The following ST7L variants were observed in gnomAD, a reference collection of about 807,000 sequenced individuals.
ST7L encodes suppressor of tumorigenicity 7 protein-like.
ST7L carries 57 observed loss-of-function variants against 72.5 expected under a neutral mutation model. That is an observed-to-expected ratio of 0.79 (90% confidence interval 0.64 to 0.98). The LOEUF (loss-of-function observed/expected upper bound fraction) is 0.98, where lower values mean the gene tolerates loss of function less well. Among genes scored for constraint, ST7L ranks in the 50% least tolerant of loss-of-function variants. The pLI, the probability that ST7L is intolerant of heterozygous loss-of-function variation, is 0.00. For missense variants in ST7L, 576 were observed against 672.2 expected (o/e 0.86, Z 1.58); for synonymous variants, 221 against 240.9 (o/e 0.92, Z 0.77).
chr1:112,525,876 G>T lies in ST7L; in HGVS notation c.*137C>A. ...CTAGGAATAACAATATTCATAAGAA[G>T]CTTTTTCATATGCAAAATGCTTTAG... On this transcript the variant is annotated 3_prime_UTR_variant, in exon 15 of 15. Coordinates refer to ENST00000358039, the MANE Select transcript of ST7L (RefSeq NM_017744.5). The T allele has an allele frequency of 8.1e-7, 1 of 1,227,194 alleles. No individual in the cohort carries two copies. 76.0% of individuals were successfully genotyped at this position (1,227,194 alleles called of 1,614,324 possible).
intron 7 of ST7L, 62 bp from the exon 8 acceptor site, chr1:112,582,534 T>C (rs991346790): frequency 1.1e-6 from 1 of 941,254 alleles, no homozygotes; most frequent in African/African-American, 1.6e-5. Flanking sequence ...TGCTATTTCA[T>C]TAACATATCC....
At chr1:112,587,953 GTCT>G (rs1488729914) in intron 6 of ST7L, among the ~76,000 whole-genome samples, 1 of 152,288 alleles carries the variant, frequency 6.6e-6, no homozygotes, top group East Asian at 1.9e-4. Flanking sequence ...AACATGGGAT[GTCT>G]TTTGATTTAT....
chr1:112,550,733 T>G lies in ST7L; in HGVS notation c.1397-40A>C, dbSNP rs777222108. 3.4e-6 allele frequency: 5 copies of G among 1,491,334 alleles called. No individual in the cohort carries two copies. In the East Asian group the frequency reaches 1.1e-4, roughly 34 times the overall value. 92.4% of individuals were successfully genotyped at this position (1,491,334 alleles called of 1,614,324 possible). A position where few individuals can be genotyped will look rare whatever the true frequency, so the allele number is the denominator to read the frequency against. On this transcript the variant is annotated intron_variant, in intron 12 of 14. Coordinates refer to ENST00000358039, the MANE Select transcript of ST7L (RefSeq NM_017744.5). The stretch of plus-strand genomic sequence containing the variant: ...GCATGTGTTGATACTCAATTCTGTC[T>G]CATTTACCATCCTATATTTGGAGAC...
chr1:112,595,163 C>T (rs1253052850), intron 5 of ST7L, among the ~76,000 whole-genome samples: 1 of 151,658 alleles, frequency 6.6e-6, no homozygotes, highest in Non-Finnish European at 1.5e-5. Flanking sequence ...GGTTGGGGTT[C>T]GAGACCATCC....
chr1:112,520,280 G>A (rs1652797207), downstream of ST7L: 1 of 1,613,510 alleles, frequency 6.2e-7, no homozygotes, highest in Non-Finnish European at 8.5e-7. Context: ...CCCAACCCAG[G>A]TTCCCTAGGC....
At chr1:112,543,621 C>CA (rs1166315046) in intron 13 of ST7L, among the ~76,000 whole-genome samples, 20 of 152,092 alleles carry the variant, frequency 1.3e-4, no homozygotes, top group East Asian at 3.9e-4. Flanking sequence ...GTAATCCCAG[C>CA]ACTTTGGGAG....
chr1:112,520,401 G>C, downstream of ST7L: 1 of 1,614,176 alleles, frequency 6.2e-7, no homozygotes, highest in East Asian at 2.2e-5. Context: ...CCCAGTGTGA[G>C]TGCAAATTCC....
In ST7L at chr1:112,525,176, G is replaced by A. The variant is rs1653209390; in HGVS notation, c.*837C>T. On this transcript the variant is annotated 3_prime_UTR_variant, in exon 15 of 15. Transcript: ENST00000358039. ...TCCTATGACTGCATGGGGTATAACT[G>A]CCAAGCCTACTGCTCATGACCTGTG... 1 of 152,224 alleles carries A rather than the reference G, an allele frequency of 6.6e-6. No individual in the cohort carries two copies. The highest frequency in any genetic ancestry group is 1.5e-5 in the Non-Finnish European group (1 of 68,058). The allele number at this position is 152,224 out of a possible 1,614,324, so 9.4% of individuals were successfully genotyped here. A position where few individuals can be genotyped will look rare whatever the true frequency, so the allele number is the denominator to read the frequency against.
At chr1:112,560,526 A>C (rs1659946685) in intron 11 of ST7L, among the ~76,000 whole-genome samples, 1 of 152,254 alleles carries the variant, frequency 6.6e-6, no homozygotes, top group Admixed American at 6.5e-5. Context: ...ACAAATTATA[A>C]GATTATTTAT....
At chr1:112,610,463 A>G (rs1668904517) in intron 3 of ST7L, 1 of 176,476 alleles carries the variant, frequency 5.7e-6, no homozygotes, top group Non-Finnish European at 1.2e-5. Context: ...CGTAGATTAT[A>G]AACAGTATAA....
rs377735147 is a variant in ST7L, at chr1:112,619,128, A to G, written c.-15T>C. On this transcript the variant is annotated 5_prime_UTR_variant, in exon 1 of 15. Transcript: ENST00000358039. ...CGGTCCGCCATCTTGCCGCTATCGC[A>G]GGCGCCAGGAGCTGGGAGGGGAGAA... 2 of 1,611,756 alleles carry G rather than the reference A, an allele frequency of 1.2e-6. No homozygotes were observed. The highest frequency in any genetic ancestry group is 2.2e-5 in the South Asian group (2 of 90,828).
chr1:112,610,379 A>G (rs1375502239), intron 3 of ST7L: 1 of 153,362 alleles, frequency 6.5e-6, no homozygotes, highest in Non-Finnish European at 1.5e-5. Flanking sequence ...GCCATGGACT[A>G]ACTATATTAA....
chr1:112,574,485 T>G (rs192255766), intron 11 of ST7L, among the ~76,000 whole-genome samples: 4 of 151,366 alleles, frequency 2.6e-5, no homozygotes, highest in Non-Finnish European at 5.9e-5. Context: ...CTGTGAAACC[T>G]CGTCTCTACT....
intron 11 of ST7L, among the ~76,000 whole-genome samples, chr1:112,566,254 C>T (rs1660997983): frequency 6.6e-6 from 1 of 151,236 alleles, no homozygotes; most frequent in Non-Finnish European, 1.5e-5. Context: ...CAAGTAATGC[C>T]CAAATCAAGA....
chr1:112,612,336 G>A (rs754632446), intron 2 of ST7L, among the ~76,000 whole-genome samples: 8 of 152,100 alleles, frequency 5.3e-5, no homozygotes, highest in African/African-American at 9.7e-5. Context: ...GGGCTTAAGC[G>A]CTCTGCCCTC....
intron 14 of ST7L, 74 bp downstream of exon 14, chr1:112,541,877 A>T (rs1270508965): frequency 1.9e-6 from 3 of 1,574,460 alleles, no homozygotes; most frequent in Non-Finnish European, 2.6e-6. Flanking sequence ...CAGCTGGGTT[A>T]GCACAGGCAG....
intron 14 of ST7L, chr1:112,530,140 C>A (rs1196761942): frequency 1.3e-5 from 2 of 152,172 alleles, no homozygotes; most frequent in African/African-American, 4.8e-5. Context: ...GTAATAATTA[C>A]CAATAAAGTA....
intron 11 of ST7L, among the ~76,000 whole-genome samples, chr1:112,564,681 G>A (rs752089554): frequency 6.6e-6 from 1 of 151,976 alleles, no homozygotes; most frequent in Non-Finnish European, 1.5e-5. Context: ...CCCAGGTGTG[G>A]TGGCGGGTGC....
At chr1:112,545,284 TA>T (rs1280956384) in intron 13 of ST7L, among the ~76,000 whole-genome samples, 1 of 152,026 alleles carries the variant, frequency 6.6e-6, no homozygotes, top group Non-Finnish European at 1.5e-5. Context: ...TTGCCAAGAA[TA>T]AACTGTCTGG....
Sources: gnomAD v4.1 joint callset for allele counts (sites outside exome capture counted in the v4.1 genomes callset) on GRCh38, gnomAD v4.1.1 for gene constraint, MANE v1.5 for transcripts, NCBI Gene and HGNC (gene_info 2026-07-23, HGNC 2026-07-21) for gene names.